Variants in CNKSR2 observed in about 807,000 individuals in gnomAD.
CNKSR2 encodes connector enhancer of kinase suppressor of Ras 2, also known as CNK homolog protein 2.
CNKSR2 carries 14 observed loss-of-function variants against 84.4 expected under a neutral mutation model. That is an observed-to-expected ratio of 0.17 (90% CI 0.11 to 0.26). CNKSR2 has a LOEUF of 0.26. CNKSR2 is among the 10% of genes least tolerant of loss of function. The pLI is 1.00. For missense variants in CNKSR2, 485 were observed against 771.2 expected, an observed-to-expected ratio of 0.63 and a Z score of 4.40; for synonymous variants, 275 against 277.9, an observed-to-expected ratio of 0.99 and a Z score of 0.10.
intron 20 of CNKSR2, chrX:21,645,625 CT>C (rs2092704643): frequency 9.0e-6 from 1 of 111,268 alleles, no homozygotes; most frequent in Non-Finnish European, 1.9e-5. Flanking sequence ...AGTGGCTGAA[CT>C]GGCACATTGA....
chrX:21,389,512 C>G (rs2090018612), intron 1 of CNKSR2, among the ~76,000 whole-genome samples: 1 of 111,554 alleles, frequency 9.0e-6, no homozygotes, highest in Non-Finnish European at 1.9e-5. Flanking sequence ...TTTGGTAATA[C>G]CAAAAGATAA....
intron 20 of CNKSR2, among the ~76,000 whole-genome samples, chrX:21,612,057 T>A (rs1285904606): frequency 8.9e-6 from 1 of 112,500 alleles, no homozygotes; most frequent in African/African-American, 3.2e-5. Context: ...GATGGTTTTC[T>A]GCATTGCTAT....
At chrX:21,391,346 G>C (rs1169071002) in intron 1 of CNKSR2, among the ~76,000 whole-genome samples, 1 of 112,398 alleles carries the variant, frequency 8.9e-6, no homozygotes, top group Admixed American at 9.4e-5. Context: ...ACTTGTGCCT[G>C]GACATCCATA....
intron 1 of CNKSR2, among the ~76,000 whole-genome samples, chrX:21,384,468 T>A (rs992637406): frequency 8.9e-6 from 1 of 112,188 alleles, no homozygotes; most frequent in Non-Finnish European, 1.9e-5. Flanking sequence ...GGTTAGATGA[T>A]TTTTCTTTCC....
At chrX:21,418,968 T>C (rs980445067) in intron 1 of CNKSR2, among the ~76,000 whole-genome samples, 49 of 111,448 alleles carry the variant, frequency 4.4e-4, no homozygotes, top group African/African-American at 1.5e-3. Context: ...TTCTCTGTTA[T>C]TATTCCTTTC....
intron 19 of CNKSR2, among the ~76,000 whole-genome samples, chrX:21,608,798 C>T (rs2092532837): frequency 8.9e-6 from 1 of 112,016 alleles, no homozygotes; most frequent in South Asian, 3.7e-4. Context: ...TAAGCACTAA[C>T]TCTTATACTT....
At chrX:21,584,016 A>G (rs1194218664) in intron 13 of CNKSR2, among the ~76,000 whole-genome samples, 1 of 112,463 alleles carries the variant, frequency 8.9e-6, no homozygotes, top group African/African-American at 3.2e-5. Flanking sequence ...ATTTTTATGG[A>G]AAGAATTATG....
At chrX:21,593,637 G>A (rs2092434204) in intron 15 of CNKSR2, 2 of 111,074 alleles carry the variant, frequency 1.8e-5, no homozygotes, top group Admixed American at 9.6e-5. Context: ...ATAATATTTT[G>A]GATAATTCTT....
chrX:21,446,785 A>G (rs1481947901), intron 4 of CNKSR2, among the ~76,000 whole-genome samples: 1 of 111,868 alleles, frequency 8.9e-6, no homozygotes, highest in Non-Finnish European at 1.9e-5. Context: ...CCTTTTAGAT[A>G]GCAAATAGTA....
At chrX:21,550,611 TGC>T (rs2092078625) in intron 11 of CNKSR2, among the ~76,000 whole-genome samples, 1 of 112,308 alleles carries the variant, frequency 8.9e-6, no homozygotes, top group African/African-American at 3.2e-5. Context: ...TAAAGACACA[TGC>T]ACACGTATGT....
At chrX:21,482,233 A>T (rs57455066) in intron 5 of CNKSR2, among the ~76,000 whole-genome samples, 1 of 112,139 alleles carries the variant, frequency 8.9e-6, no homozygotes, top group African/African-American at 3.3e-5. Flanking sequence ...AAGGTACTAT[A>T]TTGCCTCCTA....
rs761462784 is a variant in CNKSR2, at chrX:21,601,379, G to T, written c.2044+30G>T. ...AGGAATACTTTTTTAAAATAATTATGTTATACTTTTTTTCCTGCAGTTATC... is the reference window on the plus strand; with the variant it reads ...AGGAATACTTTTTTAAAATAATTATTTTATACTTTTTTTCCTGCAGTTATC... On this transcript the variant is annotated intron_variant, in intron 18 of 21. Transcript: ENST00000379510. 4 of 918,677 alleles carry T rather than the reference G, an allele frequency of 4.4e-6. No individual in the cohort carries two copies. In the South Asian group the frequency reaches 9.5e-5, roughly 22 times the overall value. The allele number at this position is 918,677 out of a possible 1,213,427, so 75.7% of individuals were successfully genotyped here. A position where few individuals can be genotyped will look rare whatever the true frequency, so the allele number is the denominator to read the frequency against.
intron 1 of CNKSR2, among the ~76,000 whole-genome samples, chrX:21,395,897 G>A (rs2146975323): frequency 8.9e-6 from 1 of 111,738 alleles, no homozygotes; most frequent in Non-Finnish European, 1.9e-5. Context: ...TGTAACAAAA[G>A]TGGAAGATGT....
rs750893046 is a variant in CNKSR2 at position 21,406,420 on chromosome X, T to C, written c.65-20077T>C. Among the ~76,000 whole-genome samples the C allele has an allele frequency of 6.3e-5, 7 of 111,668 alleles. No homozygotes were observed. In the South Asian group the frequency reaches 2.6e-3, roughly 42 times the overall value. ...GTTTACCAAGTAACTTGCTTTCAGA[T>C]CTTGTAATAAAAATGTAGTTTTAGC... On this transcript the variant is annotated intron_variant, in intron 1 of 21. Transcript: ENST00000379510.
chrX:21,386,669 G>T (rs2089974749), intron 1 of CNKSR2, among the ~76,000 whole-genome samples: 2 of 112,276 alleles, frequency 1.8e-5, no homozygotes, highest in South Asian at 3.6e-4. Flanking sequence ...TCTTTTAATA[G>T]AAAGAGTTAA....
intron 1 of CNKSR2, among the ~76,000 whole-genome samples, chrX:21,388,979 T>C (rs775848453): frequency 9.1e-6 from 1 of 109,569 alleles, no homozygotes; most frequent in African/African-American, 3.3e-5. Context: ...TATGATGTGA[T>C]GTGATATGAT....
chrX:21,393,914 T>G (rs745739717), intron 1 of CNKSR2, among the ~76,000 whole-genome samples: 7 of 112,151 alleles, frequency 6.2e-5, no homozygotes, highest in Non-Finnish European at 1.1e-4. Context: ...TCTTCCTCCA[T>G]CTCTAGATTT....
At chrX:21,554,908 C>T (rs1237263160) in intron 11 of CNKSR2, among the ~76,000 whole-genome samples, 2 of 111,233 alleles carry the variant, frequency 1.8e-5, no homozygotes, top group African/African-American at 6.5e-5. Context: ...GGAATTGCCA[C>T]ACTGTCTTCC....
intron 4 of CNKSR2, among the ~76,000 whole-genome samples, chrX:21,441,568 C>T (rs1563347): frequency 0.097 from 10,726 of 110,895 alleles, 492 homozygotes; most frequent in East Asian, 0.24. Context: ...TTTAAGTTTG[C>T]CAAAGGAACA....
Sources: allele counts gnomAD v4.1 joint callset (sites outside exome capture counted in the v4.1 genomes callset), GRCh38; gene constraint gnomAD v4.1.1; transcripts MANE v1.5; gene names NCBI Gene and HGNC (gene_info 2026-07-23, HGNC 2026-07-21).